The following ANKRD30B variants were observed in gnomAD, a reference collection of about 807,000 sequenced individuals.
The protein encoded by ANKRD30B is ankyrin repeat domain-containing protein 30B.
In ANKRD30B, 144 loss-of-function variants were observed where a neutral mutation model predicts 202.2. The ratio of observed to expected loss-of-function variants is 0.71; its 90% CI spans 0.62 to 0.82. ANKRD30B has a LOEUF of 0.82. Ranked by LOEUF, ANKRD30B falls within the 40% of genes least tolerant of loss-of-function variation. The pLI is 0.00. For missense variants in ANKRD30B, 1,487 were observed against 1,669.1 expected (o/e 0.89, Z 1.90); for synonymous variants, 508 against 561.3 (o/e 0.91, Z 1.34).
chr18:14,847,810 T>C (rs1274835392), intron 39 of ANKRD30B, among the ~76,000 whole-genome samples: 7 of 151,994 alleles, frequency 4.6e-5, no homozygotes, highest in Admixed American at 1.3e-4. Context: ...GACACTCTTC[T>C]TGGCACTATG....
chr18:14,922,387 G>A, the ANKRD30B span, among the ~76,000 whole-genome samples: 1 of 152,130 alleles, frequency 6.6e-6, no homozygotes, highest in Non-Finnish European at 1.5e-5. Flanking sequence ...TGGGCGTGGT[G>A]GCTCATGCCT....
At chr18:14,833,822 C>G (rs9675531) in intron 34 of ANKRD30B, among the ~76,000 whole-genome samples, 151,499 of 152,280 alleles carry the variant, frequency 0.99, 75,364 homozygotes, top group Middle Eastern at 1. Flanking sequence ...ATGATTGACG[C>G]ATCATGGCTC....
At chr18:14,932,125 TAGAATTC>T in the ANKRD30B span, among the ~76,000 whole-genome samples, 1 of 146,456 alleles carries the variant, frequency 6.8e-6, no homozygotes. Context: ...ATTTCACTGA[TAGAATTC>T]AGGCCCAGGT....
At chr18:14,858,876 C>G, downstream of ANKRD30B, among the ~76,000 whole-genome samples, 1 of 84,576 alleles carries the variant, frequency 1.2e-5, no homozygotes, top group Admixed American at 1.0e-4. Flanking sequence ...TCCCAGACAT[C>G]ACGGCCAGGC....
At chr18:14,848,151 C>T (rs1218551532) in intron 39 of ANKRD30B, among the ~76,000 whole-genome samples, 1 of 152,076 alleles carries the variant, frequency 6.6e-6, no homozygotes, top group African/African-American at 2.4e-5. Context: ...GTTTGCTTTC[C>T]ACTTTTTTTT....
At chr18:14,793,870 G>A (rs1440838255) in intron 16 of ANKRD30B, among the ~76,000 whole-genome samples, 2 of 151,588 alleles carry the variant, frequency 1.3e-5, no homozygotes, top group African/African-American at 2.4e-5. Flanking sequence ...CTCCAGCCTG[G>A]GCGACAGGGC....
intron 32 of ANKRD30B, among the ~76,000 whole-genome samples, chr18:14,826,374 A>G (rs1006846459): frequency 5.9e-5 from 9 of 152,200 alleles, no homozygotes; most frequent in Non-Finnish European, 1.2e-4. Flanking sequence ...GATTTAACTT[A>G]CAAGTTCTAC....
chr18:14,757,074 TC>T (rs1203050981), intron 4 of ANKRD30B, among the ~76,000 whole-genome samples: 3 of 152,210 alleles, frequency 2.0e-5, no homozygotes, highest in Non-Finnish European at 4.4e-5. Flanking sequence ...TTCATTTTTT[TC>T]ATAGTGTATT....
At chr18:14,881,374 T>C in the ANKRD30B span, among the ~76,000 whole-genome samples, 3 of 152,178 alleles carry the variant, frequency 2.0e-5, no homozygotes, top group African/African-American at 7.2e-5. Flanking sequence ...GTTTATTTGG[T>C]GTATCACATT....
chr18:14,765,571 T>C (rs1385426415), intron 7 of ANKRD30B, among the ~76,000 whole-genome samples: 1 of 152,202 alleles, frequency 6.6e-6, no homozygotes, highest in Non-Finnish European at 1.5e-5. Flanking sequence ...AGATAATGTG[T>C]GAGCAAATAG....
the ANKRD30B span, among the ~76,000 whole-genome samples, chr18:14,940,798 C>T: frequency 5.9e-5 from 9 of 152,258 alleles, no homozygotes; most frequent in Middle Eastern, 3.4e-3. Context: ...CTGAAACCTC[C>T]TGGAGCAGAA....
chr18:14,826,689 T>TCACACACACACACACA (rs1324783952), intron 32 of ANKRD30B, among the ~76,000 whole-genome samples: 2 of 22,698 alleles, frequency 8.8e-5, no homozygotes, highest in Non-Finnish European at 3.3e-4. Context: ...TCTCTCTCTC[T>TCACACACACACACACA]CTCTCACACA....
chr18:14,762,422 A>G (rs1442008790), intron 6 of ANKRD30B, among the ~76,000 whole-genome samples: 1 of 152,196 alleles, frequency 6.6e-6, no homozygotes, highest in East Asian at 1.9e-4. Context: ...TTATCTTTCA[A>G]AGATACCTAC....
At chr18:14,831,198 A>AC (rs1555668411) in intron 33 of ANKRD30B, among the ~76,000 whole-genome samples, 185 bp from the exon 34 acceptor site, 5 of 151,054 alleles carry the variant, frequency 3.3e-5, no homozygotes, top group African/African-American at 1.2e-4. Context: ...AAAAAAAAAA[A>AC]AACGAAAACC....
rs1379172364 is a variant in ANKRD30B at position 14,754,909 on chromosome 18, C to T, written c.521C>T (p.Thr174Ile). Residue 174 changes from threonine (T) to isoleucine (I), a missense_variant, in exon 4 of 44, where the codon ACA becomes ATA. Coordinates refer to ENST00000690538, the MANE Select transcript of ANKRD30B (RefSeq NM_001367607.2). ...VIEVQNKASL[T>I]PLLLAIQKRS... ...TCTGCTATTTTACAGGCTAGCCTCA[C>T]ACCCCTTTTACTGGCCATACAGAAA... 2 of 1,536,908 alleles carry T rather than the reference C, an allele frequency of 1.3e-6. No homozygotes were observed. Among genetic ancestry groups the T allele is most frequent in the East Asian group, 2.4e-5 (1 of 41,862 alleles).
chr18:14,781,025 A>G (rs1162166878), intron 11 of ANKRD30B, among the ~76,000 whole-genome samples: 1 of 152,276 alleles, frequency 6.6e-6, no homozygotes, highest in Non-Finnish European at 1.5e-5. Flanking sequence ...TCTTACATCC[A>G]AGCCCCTGCT....
At chr18:14,857,538 C>T (rs1972130075), downstream of ANKRD30B, among the ~76,000 whole-genome samples, 1 of 1,770 alleles carries the variant, frequency 5.6e-4, no homozygotes, top group African/African-American at 6.2e-4. Context: ...AGAGGCGCTC[C>T]TCACCTCCCA....
At chr18:14,852,621 C>T (rs1160324742) in intron 42 of ANKRD30B, 5 of 576,104 alleles carry the variant, frequency 8.7e-6, no homozygotes, top group South Asian at 6.0e-5. Flanking sequence ...TATTGTGTCA[C>T]TGATGAAATT....
chr18:14,818,468 G>C (rs907098506), intron 30 of ANKRD30B, among the ~76,000 whole-genome samples: 1 of 150,614 alleles, frequency 6.6e-6, no homozygotes. Flanking sequence ...CCACCAACTC[G>C]TCATCTACCA....
Sources: allele counts gnomAD v4.1 joint callset (sites outside exome capture counted in the v4.1 genomes callset), GRCh38; gene constraint gnomAD v4.1.1; transcripts MANE v1.5; gene names NCBI Gene and HGNC (gene_info 2026-07-23, HGNC 2026-07-21).